TMEM123: variants seen among roughly 807,000 people sequenced by gnomAD.
The protein encoded by TMEM123 is transmembrane protein 123, also known as porimin.
A neutral mutation model predicts 19.7 loss-of-function variants in TMEM123; 16 were observed. The ratio of observed to expected loss-of-function variants is 0.81; its 90% CI spans 0.55 to 1.23. The LOEUF (loss-of-function observed/expected upper bound fraction) is 1.23, where lower values mean the gene tolerates loss of function less well. TMEM123 is among the 50% of genes most tolerant of loss of function. The pLI is 0.00. For synonymous variants in TMEM123, 118 were observed against 99.4 expected (o/e 1.19, Z -1.12); for missense variants, 313 against 257.8 (o/e 1.21, Z -1.47).
chr11:102,451,461 A>AT (rs1441143791), intron 1 of TMEM123, among the ~76,000 whole-genome samples: 2 of 152,362 alleles, frequency 1.3e-5, no homozygotes, highest in East Asian at 3.9e-4. Context: ...CACCCAGGTT[A>AT]TTCCAGAAAA....
At chr11:102,429,323 C>T (rs1952156249) in intron 2 of TMEM123, among the ~76,000 whole-genome samples, 1 of 152,192 alleles carries the variant, frequency 6.6e-6, no homozygotes, top group Non-Finnish European at 1.5e-5. Context: ...ATGATGTCTA[C>T]TTTCTTCCTG....
intron 2 of TMEM123, among the ~76,000 whole-genome samples, chr11:102,410,854 A>G (rs1330905311): frequency 6.6e-6 from 1 of 152,200 alleles, no homozygotes; most frequent in Non-Finnish European, 1.5e-5. Flanking sequence ...GCCAGGGGCC[A>G]GTTTGATTTT....
chr11:102,420,682 C>CA (rs1409060625), intron 2 of TMEM123, among the ~76,000 whole-genome samples: 1 of 152,182 alleles, frequency 6.6e-6, no homozygotes, highest in Non-Finnish European at 1.5e-5. Flanking sequence ...AGCAGTATCA[C>CA]AAAGTCAAGA....
At chr11:102,444,966 CAA>C (rs1487512434) in intron 2 of TMEM123, among the ~76,000 whole-genome samples, 1 of 143,586 alleles carries the variant, frequency 7.0e-6, no homozygotes, top group Non-Finnish European at 1.5e-5. Context: ...GAGAACTGAA[CAA>C]AGAGAACACT....
intron 4 of TMEM123, among the ~76,000 whole-genome samples, chr11:102,400,603 T>C (rs1186189373): frequency 2.0e-5 from 3 of 152,248 alleles, no homozygotes; most frequent in East Asian, 1.9e-4. Context: ...AATATGAGTA[T>C]GTTGAAACCC....
At chr11:102,408,396 CTCT>C (rs1305084572) in intron 2 of TMEM123, among the ~76,000 whole-genome samples, 2 of 152,214 alleles carry the variant, frequency 1.3e-5, no homozygotes, top group Admixed American at 6.5e-5. Flanking sequence ...CATTTGCTGG[CTCT>C]TCTTTTTACC....
chr11:102,449,050 C>T (rs1857912112), intron 1 of TMEM123, 182 bp from the exon 2 acceptor site: 1 of 571,864 alleles, frequency 1.7e-6, no homozygotes, highest in African/African-American at 1.9e-5. Context: ...GTAAAAGGGA[C>T]TGTATTACCA....
intron 2 of TMEM123, among the ~76,000 whole-genome samples, chr11:102,408,585 C>CT (rs1296505515): frequency 1.3e-4 from 20 of 152,200 alleles, no homozygotes; most frequent in Non-Finnish European, 2.9e-4. Flanking sequence ...CTGATATAAT[C>CT]TGTGTTAAGT....
intron 4 of TMEM123, among the ~76,000 whole-genome samples, chr11:102,399,982 A>G (rs1951896496): frequency 6.6e-6 from 1 of 152,232 alleles, no homozygotes; most frequent in African/African-American, 2.4e-5. Context: ...AAAAAAAAAA[A>G]AATCTGTTCT....
At chr11:102,431,182 GTATT>G (rs1273039835) in intron 2 of TMEM123, among the ~76,000 whole-genome samples, 1 of 152,048 alleles carries the variant, frequency 6.6e-6, no homozygotes, top group African/African-American at 2.4e-5. Context: ...AAAAAAAACT[GTATT>G]TATGGTGTAC....
intron 2 of TMEM123, among the ~76,000 whole-genome samples, chr11:102,424,688 CAAA>C (rs142373849): frequency 7.7e-5 from 11 of 142,034 alleles, no homozygotes; most frequent in African/African-American, 2.6e-4. Flanking sequence ...GACCTTGTCT[CAAA>C]AAAAAAAAGA....
intron 2 of TMEM123, among the ~76,000 whole-genome samples, chr11:102,435,610 C>T (rs1019397973): frequency 2.0e-5 from 3 of 151,820 alleles, no homozygotes; most frequent in Admixed American, 6.6e-5. Context: ...TATATGTCCA[C>T]GCAAAAGTGT....
intron 2 of TMEM123, among the ~76,000 whole-genome samples, chr11:102,437,284 T>C (rs1376932222): frequency 1.3e-5 from 2 of 151,926 alleles, no homozygotes; most frequent in Non-Finnish European, 2.9e-5. Flanking sequence ...CCCAGCCCCA[T>C]CTCTTTAACC....
intron 2 of TMEM123, among the ~76,000 whole-genome samples, chr11:102,416,696 AAAAG>A (rs1199609660): frequency 2.0e-5 from 3 of 152,138 alleles, no homozygotes; most frequent in Non-Finnish European, 4.4e-5. Context: ...ACACAACAAA[AAAAG>A]AAAACTTCAG....
In TMEM123 at chr11:102,396,962, A is replaced by G. The variant is rs1285544966; in HGVS notation, c.*1905T>C. ...GTGAAATACCAAGAATGCAGTGGAC[A>G]AATTTAAAAGGCCTTCATTAGAATA... On this transcript the variant is annotated 3_prime_UTR_variant, in exon 5 of 5. Transcript: ENST00000398136. 1 of 152,178 alleles carries G rather than the reference A, an allele frequency of 6.6e-6. No individual in the cohort carries two copies. Among genetic ancestry groups the G allele is most frequent in the African/African-American group, 2.4e-5 (1 of 41,412 alleles). The allele number at this position is 152,178 out of a possible 1,614,324, so 9.4% of individuals were successfully genotyped here.
chr11:102,398,738 C>G lies in TMEM123; in HGVS notation c.*129G>C. Reference sequence around the variant, plus strand: ...AATCTTTACATATTTACGTAATACACTGTACATTATATGCATGGCCTGTTT... The same window carrying G: ...AATCTTTACATATTTACGTAATACAGTGTACATTATATGCATGGCCTGTTT... On this transcript the variant is annotated 3_prime_UTR_variant, in exon 5 of 5. Transcript: ENST00000398136. 1 of 907,218 alleles carries G rather than the reference C, an allele frequency of 1.1e-6. No homozygotes were observed. The highest frequency in any genetic ancestry group is 1.5e-5 in the South Asian group (1 of 66,796). The allele number at this position is 907,218 out of a possible 1,614,324, so 56.2% of individuals were successfully genotyped here.
chr11:102,417,645 A>T (rs1023973370), intron 2 of TMEM123, among the ~76,000 whole-genome samples: 3 of 152,196 alleles, frequency 2.0e-5, no homozygotes, highest in Admixed American at 6.5e-5. Context: ...AAGCTCTTCT[A>T]AAATTCATAT....
At position 102,402,050 on chromosome 11, in the gene TMEM123, G is replaced by T; in HGVS notation, c.314C>A (p.Thr105Lys). ...CTTTAAGGTGGTAGAAGTCATATTT[G>T]TTGAGACCATCCCTGGTGTTGTTGT... is the stretch of plus-strand genomic sequence containing the variant. ...SNTTTPGMVS[T>K]NMTSTTLKST... The change falls in exon 3 of 5, where the codon ACA (threonine) becomes AAA (lysine). Residue 105 changes from threonine (T) to lysine (K), a missense_variant. Transcript: ENST00000398136. The T allele has an allele frequency of 6.2e-7, 1 of 1,613,982 alleles. No homozygotes were observed. The highest frequency in any genetic ancestry group is 8.5e-7 in the Non-Finnish European group (1 of 1,179,978).
At chr11:102,448,344 A>C (rs1857905108) in intron 2 of TMEM123, 1 of 453,816 alleles carries the variant, frequency 2.2e-6, no homozygotes, top group Non-Finnish European at 4.4e-6. Context: ...TCACAGGGTA[A>C]GGGCCTCACC....
Sources: gnomAD v4.1 joint callset for allele counts (sites outside exome capture counted in the v4.1 genomes callset) on GRCh38, gnomAD v4.1.1 for gene constraint, MANE v1.5 for transcripts, NCBI Gene and HGNC (gene_info 2026-07-23, HGNC 2026-07-21) for gene names.